The following SCARA3 variants were observed in gnomAD, a reference collection of about 807,000 sequenced individuals.
The protein encoded by SCARA3 is scavenger receptor class A member 3.
In SCARA3, 39 loss-of-function variants were observed where a neutral mutation model predicts 47.0. The ratio of observed to expected loss-of-function variants is 0.83; its 90% CI spans 0.64 to 1.08. SCARA3 has a LOEUF of 1.08. Among genes scored for constraint, SCARA3 ranks in the 50% least tolerant of loss-of-function variants. SCARA3 has a pLI of 0.00. For synonymous variants in SCARA3, 356 were observed against 334.1 expected, an observed-to-expected ratio of 1.07 and a Z score of -0.71; for missense variants, 724 against 792.3, an observed-to-expected ratio of 0.91 and a Z score of 1.04.
chr8:27,717,868 C>G, the SCARA3 span, among the ~76,000 whole-genome samples: 2 of 152,148 alleles, frequency 1.3e-5, no homozygotes, highest in African/African-American at 4.8e-5. Flanking sequence ...TTCCTAATGC[C>G]TTAGCACGGC....
chr8:27,680,148 A>G (rs892356671), downstream of SCARA3, among the ~76,000 whole-genome samples: 3 of 152,138 alleles, frequency 2.0e-5, no homozygotes, highest in Admixed American at 6.5e-5. Flanking sequence ...ACTTACTGAT[A>G]TATGTTTTCA....
At chr8:27,679,449 T>C (rs568026468), downstream of SCARA3, among the ~76,000 whole-genome samples, 1 of 152,268 alleles carries the variant, frequency 6.6e-6, no homozygotes, top group Non-Finnish European at 1.5e-5. Context: ...AAGTCAAAAA[T>C]ATTAATGCAA....
intron 5 of SCARA3, among the ~76,000 whole-genome samples, chr8:27,660,567 T>TAGATAGATAATAGAC (rs1801878413): frequency 6.0e-5 from 9 of 150,548 alleles, no homozygotes; most frequent in African/African-American, 1.7e-4. Context: ...AGATAATAGA[T>TAGATAGATAATAGAC]AGATAGATGA....
At chr8:27,654,801 AAG>A (rs1393386541) in intron 3 of SCARA3, among the ~76,000 whole-genome samples, 6,163 of 78,656 alleles carry the variant, frequency 0.078, 390 homozygotes, top group African/African-American at 0.17. Flanking sequence ...AAAAAAAAAA[AAG>A]AAAAAGAAAA....
chr8:27,716,868 C>A, the SCARA3 span, among the ~76,000 whole-genome samples: 1 of 152,144 alleles, frequency 6.6e-6, no homozygotes, highest in Non-Finnish European at 1.5e-5. Flanking sequence ...AAACGAACAC[C>A]GCCAGGAATG....
At chr8:27,677,192 C>G (rs17057542), downstream of SCARA3, among the ~76,000 whole-genome samples, 12,854 of 152,276 alleles carry the variant, frequency 0.084, 621 homozygotes, top group East Asian at 0.22. Flanking sequence ...GAAAAGGCAA[C>G]TTCCAGATTC....
the SCARA3 span, chr8:27,733,703 GTTAT>G: frequency 6.6e-6 from 1 of 152,284 alleles, no homozygotes; most frequent in African/African-American, 2.4e-5. Flanking sequence ...ATGGAAATTT[GTTAT>G]TTACATGCTG....
intron 3 of SCARA3, among the ~76,000 whole-genome samples, chr8:27,653,570 CGTGTGTGTGTGTGTGT>C (rs61545866): frequency 2.1e-4 from 31 of 145,102 alleles, no homozygotes; most frequent in Non-Finnish European, 3.5e-4. Context: ...ATTTGTAAAG[CGTGTGTGTGTGTGTGT>C]GTGTGTGTGT....
rs1412522439 is a variant in SCARA3, at chr8:27,671,413, C to A, written c.*62C>A. On this transcript the variant is annotated 3_prime_UTR_variant, in exon 6 of 6. Transcript: ENST00000301904. ...CGGAGGGGCGCAGAGCAGATCCAGG[C>A]CCCAGAAAGCCTCACCTACAGACAG... is the stretch of plus-strand genomic sequence containing the variant. 5 of 1,345,790 alleles carry A rather than the reference C, an allele frequency of 3.7e-6. No individual in the cohort carries two copies. The highest frequency in any genetic ancestry group is 9.5e-7 in the Non-Finnish European group (1 of 1,054,190). 83.4% of individuals were successfully genotyped at this position (1,345,790 alleles called of 1,614,324 possible).
chr8:27,642,413 C>T (rs1221657184), intron 1 of SCARA3, among the ~76,000 whole-genome samples: 1 of 152,156 alleles, frequency 6.6e-6, no homozygotes. Flanking sequence ...TTGAAGCGGA[C>T]GATCTCCCCA....
chr8:27,637,316 C>T (rs1266844378), intron 1 of SCARA3, among the ~76,000 whole-genome samples: 1 of 152,250 alleles, frequency 6.6e-6, no homozygotes, highest in Non-Finnish European at 1.5e-5. Flanking sequence ...CCACCAGCCC[C>T]TTGGTGATAG....
At chr8:27,647,597 G>A (rs1801533576) in intron 1 of SCARA3, among the ~76,000 whole-genome samples, 2 of 152,200 alleles carry the variant, frequency 1.3e-5, no homozygotes, top group Admixed American at 1.3e-4. Context: ...ATGACAGATA[G>A]TCCCTGCCCT....
the SCARA3 span, among the ~76,000 whole-genome samples, chr8:27,684,437 G>T: frequency 1.3e-5 from 2 of 152,214 alleles, no homozygotes; most frequent in African/African-American, 4.8e-5. Flanking sequence ...TGTAATCCCA[G>T]CACTCTGGAA....
chr8:27,713,776 T>A, the SCARA3 span, among the ~76,000 whole-genome samples: 4 of 152,174 alleles, frequency 2.6e-5, no homozygotes. Flanking sequence ...GGAAACCAGT[T>A]CCTTTTTGTG....
intron 1 of SCARA3, among the ~76,000 whole-genome samples, chr8:27,641,428 A>AGGAGGAACCCAGGAATGGGAAG (rs1801379430): frequency 1.3e-5 from 2 of 152,244 alleles, no homozygotes; most frequent in Non-Finnish European, 2.9e-5. Context: ...GGCTGACCTG[A>AGGAGGAACCCAGGAATGGGAAG]GGAGGAACCC....
At chr8:27,726,385 A>G in the SCARA3 span, among the ~76,000 whole-genome samples, 1 of 152,192 alleles carries the variant, frequency 6.6e-6, no homozygotes, top group East Asian at 1.9e-4. Context: ...CAGCCTGGGC[A>G]ACAGAGCAAG....
chr8:27,710,380 A>G, the SCARA3 span, among the ~76,000 whole-genome samples: 1 of 152,340 alleles, frequency 6.6e-6, no homozygotes, highest in African/African-American at 2.4e-5. Flanking sequence ...ATACATTCGC[A>G]TATTATTTTA....
intron 3 of SCARA3, among the ~76,000 whole-genome samples, chr8:27,654,785 C>A: frequency 8.7e-6 from 1 of 114,506 alleles, no homozygotes; most frequent in African/African-American, 3.4e-5. Flanking sequence ...GCAAGACTGT[C>A]TCACAAAAAA....
chr8:27,707,176 T>A, the SCARA3 span, among the ~76,000 whole-genome samples: 35 of 152,262 alleles, frequency 2.3e-4, no homozygotes, highest in Non-Finnish European at 4.4e-4. Context: ...TGGGCATCTT[T>A]CCCTCAGGTT....
Sources: gnomAD v4.1 joint callset for allele counts (sites outside exome capture counted in the v4.1 genomes callset) on GRCh38, gnomAD v4.1.1 for gene constraint, MANE v1.5 for transcripts, NCBI Gene and HGNC (gene_info 2026-07-23, HGNC 2026-07-21) for gene names.